Variants in MYO18B observed in about 807,000 individuals in gnomAD.
MYO18B encodes unconventional myosin-XVIIIb.
A neutral mutation model predicts 273.0 loss-of-function variants in MYO18B; 204 were observed. That is an observed-to-expected ratio of 0.75 (90% CI 0.67 to 0.84). The LOEUF is 0.84. Ranked by LOEUF, MYO18B falls within the 40% of genes least tolerant of loss-of-function variation. MYO18B has a pLI of 0.00. For synonymous variants in MYO18B, 1,330 were observed against 1,305.7 expected (o/e 1.02, Z -0.40); for missense variants, 3,212 against 3,287.6 (o/e 0.98, Z 0.56).
Position 26,026,707 on chromosome 22 carries a change from A to G in MYO18B, c.6733A>G (p.Ser2245Gly), listed in dbSNP as rs1407529944. 1.2e-6 allele frequency: 2 copies of G among 1,613,834 alleles called. No individual in the cohort carries two copies. The highest frequency in any genetic ancestry group is 1.7e-6 in the Non-Finnish European group (2 of 1,179,856). ...CCCGCTGTCGAGGGAAAAGCTGCCC[A>G]GTCCTTCAGCGGCCCTCTCGGAGTT... ...TSPLSREKLP[S>G]PSAALSEFVE... Residue 2245 changes from serine to glycine, a missense_variant, in exon 43 of 44, where the codon AGT becomes GGT. Coordinates refer to ENST00000335473, the MANE Select transcript of MYO18B (RefSeq NM_032608.7).
chr22:25,818,613 C>T (rs1176888212), intron 12 of MYO18B, among the ~76,000 whole-genome samples: 1 of 152,132 alleles, frequency 6.6e-6, no homozygotes, highest in Non-Finnish European at 1.5e-5. Context: ...GACCCACATC[C>T]CAAGTGCACC....
intron 33 of MYO18B, among the ~76,000 whole-genome samples, chr22:25,919,678 ATGTG>A (rs35856330): frequency 0.069 from 10,173 of 147,870 alleles, 351 homozygotes; most frequent in East Asian, 0.12. Context: ...GTGTGTGTGT[ATGTG>A]TGTGTGTGTG....
chr22:25,856,481 A>T (rs2090578213), intron 21 of MYO18B, among the ~76,000 whole-genome samples: 1 of 152,228 alleles, frequency 6.6e-6, no homozygotes, highest in South Asian at 2.1e-4. Context: ...AGGCACCAGC[A>T]ACTTCCATAC....
At chr22:25,826,198 G>A (rs1029253243) in intron 13 of MYO18B, among the ~76,000 whole-genome samples, 2 of 152,232 alleles carry the variant, frequency 1.3e-5, no homozygotes, top group African/African-American at 2.4e-5. Flanking sequence ...ACTCTGGGGT[G>A]AAGGTAGGGC....
At chr22:25,751,784 G>A (rs898674864) in intron 1 of MYO18B, among the ~76,000 whole-genome samples, 2 of 152,122 alleles carry the variant, frequency 1.3e-5, no homozygotes, top group Admixed American at 6.6e-5. Flanking sequence ...GATCTATATC[G>A]GTGCTTGGCA....
chr22:25,929,686 A>G (rs1288646059), intron 34 of MYO18B, among the ~76,000 whole-genome samples: 1 of 151,940 alleles, frequency 6.6e-6, no homozygotes, highest in East Asian at 1.9e-4. Context: ...GGCTGTATTC[A>G]CCTCTTCCTT....
At chr22:25,766,004 A>C (rs1186466164) in intron 3 of MYO18B, among the ~76,000 whole-genome samples, 2 of 152,240 alleles carry the variant, frequency 1.3e-5, no homozygotes, top group Non-Finnish European at 2.9e-5. Context: ...GCTGAGCACC[A>C]GCTGAACCTC....
chr22:25,838,475 C>A (rs1601301038), intron 17 of MYO18B, among the ~76,000 whole-genome samples: 1 of 152,166 alleles, frequency 6.6e-6, no homozygotes, highest in Non-Finnish European at 1.5e-5. Context: ...GCTAGGATTA[C>A]ACACACACAG....
At chr22:25,794,653 C>T (rs773481236) in intron 11 of MYO18B, among the ~76,000 whole-genome samples, 5 of 151,880 alleles carry the variant, frequency 3.3e-5, no homozygotes, top group Non-Finnish European at 5.9e-5. Context: ...TACAGGTGCC[C>T]GCCACTTCGC....
chr22:25,765,394 A>G (rs1450987719), intron 3 of MYO18B, among the ~76,000 whole-genome samples: 1 of 152,226 alleles, frequency 6.6e-6, no homozygotes, highest in African/African-American at 2.4e-5. Context: ...GCAAGAAGCC[A>G]TTAGAATCCA....
intron 39 of MYO18B, chr22:25,959,313 C>T (rs2092891584): frequency 6.7e-6 from 1 of 150,088 alleles, no homozygotes; most frequent in South Asian, 2.1e-4. Context: ...GTCTTAGTCA[C>T]CCAGGCTGGA....
chr22:26,007,137 G>A (rs1037674642), intron 42 of MYO18B, among the ~76,000 whole-genome samples: 1 of 152,324 alleles, frequency 6.6e-6, no homozygotes, highest in South Asian at 2.1e-4. Context: ...GGGGCAGGAG[G>A]CAAGGGAGAT....
chr22:25,881,249 T>C (rs1178085671), intron 25 of MYO18B, among the ~76,000 whole-genome samples: 2 of 152,212 alleles, frequency 1.3e-5, no homozygotes, highest in South Asian at 2.1e-4. Context: ...AACCGTGGAG[T>C]TGGCCACGGA....
chr22:25,771,041 G>A, intron 6 of MYO18B, 57 bp downstream of exon 6: 1 of 1,195,150 alleles, frequency 8.4e-7, no homozygotes, highest in Non-Finnish European at 1.2e-6. Flanking sequence ...CTTCACCCCA[G>A]CTCCATACCC....
chr22:25,928,418 A>G (rs1343984364), intron 34 of MYO18B, among the ~76,000 whole-genome samples: 2 of 151,270 alleles, frequency 1.3e-5, no homozygotes, highest in East Asian at 3.9e-4. Flanking sequence ...AAAAAAAAAA[A>G]AAAAAAGGCA....
At chr22:25,876,718 A>G (rs1314125311) in intron 24 of MYO18B, 3 of 154,998 alleles carry the variant, frequency 1.9e-5, no homozygotes, top group African/African-American at 7.2e-5. Flanking sequence ...CCTATCTTTT[A>G]TAACTGTTTC....
chr22:25,838,770 C>T (rs142887340), intron 17 of MYO18B, among the ~76,000 whole-genome samples: 58 of 152,120 alleles, frequency 3.8e-4, no homozygotes, highest in African/African-American at 1.4e-3. Flanking sequence ...AATCACCTAA[C>T]GATGCAGTTC....
At chr22:25,770,318 T>C (rs988369491) in intron 5 of MYO18B, 142 bp downstream of exon 5, 60 of 721,728 alleles carry the variant, frequency 8.3e-5, no homozygotes, top group Middle Eastern at 2.9e-4. Context: ...TTCAAAGGCA[T>C]TTGTGTCTTG....
intron 15 of MYO18B, among the ~76,000 whole-genome samples, chr22:25,832,327 T>C (rs888840546): frequency 6.6e-6 from 1 of 152,106 alleles, no homozygotes. Flanking sequence ...TTATTCACAA[T>C]AGCTGAAAGG....
Sources: allele counts gnomAD v4.1 joint callset (sites outside exome capture counted in the v4.1 genomes callset), GRCh38; gene constraint gnomAD v4.1.1; transcripts MANE v1.5; gene names NCBI Gene and HGNC (gene_info 2026-07-23, HGNC 2026-07-21).